Variants in EFCAB5 observed in about 807,000 individuals in gnomAD.
EFCAB5 encodes the protein EF-hand calcium binding domain 5.
EFCAB5 carries 131 observed loss-of-function variants against 167.9 expected under a neutral mutation model. The observed-to-expected ratio is 0.78, with a 90% CI of 0.68 to 0.90. EFCAB5 has a LOEUF of 0.90. Ranked by LOEUF, EFCAB5 falls within the 40% of genes least tolerant of loss-of-function variation. The pLI is 0.00. For missense variants in EFCAB5, 1,663 were observed against 1,745.2 expected, an observed-to-expected ratio of 0.95 and a Z score of 0.84; for synonymous variants, 574 against 602.8, an observed-to-expected ratio of 0.95 and a Z score of 0.70.
At chr17:30,082,870 T>A in intron 17 of EFCAB5, 21 bp from the exon 18 acceptor site, 1 of 1,592,760 alleles carries the variant, frequency 6.3e-7, no homozygotes, top group Non-Finnish European at 8.5e-7. Flanking sequence ...AATAGGCTAT[T>A]TGAATTTTCT....
In EFCAB5 at chr17:29,999,793, G is replaced by C; in HGVS notation, c.974-113G>C. ...ATGTAATTCACTTTATTGTAATTAT[G>C]GTTAGACATTAGCTAATAAATAATT... On this transcript the variant is annotated intron_variant, in intron 6 of 22. Coordinates refer to ENST00000394835, the MANE Select transcript of EFCAB5 (RefSeq NM_198529.4). 3 of 626,054 alleles carry C rather than the reference G, an allele frequency of 4.8e-6. No homozygotes were observed. The East Asian group carries it at 9.4e-5, about 20-fold the overall frequency. 38.8% of individuals were successfully genotyped at this position (626,054 alleles called of 1,614,324 possible).
At chr17:29,938,826 ACT>A (rs1485499014), upstream of EFCAB5, among the ~76,000 whole-genome samples, 1 of 152,168 alleles carries the variant, frequency 6.6e-6, no homozygotes, top group Non-Finnish European at 1.5e-5. Flanking sequence ...ATCTGCAGTT[ACT>A]TCCTCCACTG....
At chr17:30,092,967 T>G in intron 22 of EFCAB5, 31 bp downstream of exon 22, 1 of 1,511,186 alleles carries the variant, frequency 6.6e-7, no homozygotes, top group Non-Finnish European at 9.1e-7. Context: ...AGCCTAAATC[T>G]ATGCCAACAG....
chr17:30,072,280 G>T (rs1020767081), intron 14 of EFCAB5, among the ~76,000 whole-genome samples: 1 of 152,190 alleles, frequency 6.6e-6, no homozygotes, highest in Admixed American at 6.5e-5. Flanking sequence ...GGACAAGTAT[G>T]CATCAATTAA....
At chr17:29,988,797 G>C (rs1312742969) in intron 4 of EFCAB5, among the ~76,000 whole-genome samples, 1 of 152,236 alleles carries the variant, frequency 6.6e-6, no homozygotes, top group East Asian at 1.9e-4. Flanking sequence ...CAAAAAAGGA[G>C]TTAGAGTCCA....
chr17:30,094,062 G>T (rs968845469), intron 22 of EFCAB5, among the ~76,000 whole-genome samples: 1 of 152,072 alleles, frequency 6.6e-6, no homozygotes, highest in African/African-American at 2.4e-5. Context: ...ATACCTGTAG[G>T]TTCAGCCTGT....
intron 17 of EFCAB5, among the ~76,000 whole-genome samples, chr17:30,081,642 A>T (rs1296086323): frequency 1.3e-5 from 2 of 152,186 alleles, no homozygotes; most frequent in African/African-American, 4.8e-5. Context: ...AGGAACTTGA[A>T]CTTGCTATGC....
At chr17:30,107,773 A>C in intron 22 of EFCAB5, 61 bp from the exon 23 acceptor site, 1 of 1,330,870 alleles carries the variant, frequency 7.5e-7, no homozygotes, top group Admixed American at 3.6e-5. Context: ...TAGAACTTAT[A>C]ATTTTAATAG....
At chr17:30,019,421 A>C (rs918194023) in intron 7 of EFCAB5, among the ~76,000 whole-genome samples, 5 of 151,028 alleles carry the variant, frequency 3.3e-5, no homozygotes, top group Admixed American at 6.6e-5. Context: ...ATTCCCAAAT[A>C]TTGAACCATC....
At chr17:30,080,731 T>C (rs2070971664) in intron 16 of EFCAB5, 22 bp from the exon 17 acceptor site, 1 of 1,539,298 alleles carries the variant, frequency 6.5e-7, no homozygotes, top group Non-Finnish European at 8.9e-7. Context: ...CTTTCTTCCA[T>C]CCTCATACTC....
chr17:30,001,047 G>A (rs1420245332), intron 7 of EFCAB5, among the ~76,000 whole-genome samples: 6 of 152,080 alleles, frequency 3.9e-5, no homozygotes, highest in African/African-American at 4.8e-5. Context: ...TTAACCTCTC[G>A]TGGCTTGCAT....
chr17:30,085,669 G>A (rs12952179), intron 18 of EFCAB5, among the ~76,000 whole-genome samples: 66,440 of 149,784 alleles, frequency 0.44, 15,384 homozygotes, highest in Non-Finnish European at 0.51. Context: ...GCACTGAGCC[G>A]AGATCACGCC....
At position 30,094,507 on chromosome 17, in the gene EFCAB5, CAAAAAAAAAA is replaced by C. The variant is rs57885339; in HGVS notation, c.4321+1589_4321+1598del. On this transcript the variant is annotated intron_variant, in intron 22 of 22. Transcript: ENST00000394835. ...ACAACATGGCAAAATCTTGTCTCTC[CAAAAAAAAAA>C]AAAAAAAAAAAAAAAAATAACTGGG... Among the ~76,000 whole-genome samples the C allele has an allele frequency of 5.2e-3, 213 of 40,716 alleles. 1 individual carries two copies. The highest frequency in any genetic ancestry group is 0.014 in the Middle Eastern group (1 of 74). The allele number at this position is 40,716 out of a possible 152,430, so 26.7% of individuals were successfully genotyped here.
Position 30,056,045 on chromosome 17 carries a change from A to T in EFCAB5, c.2273-19A>T. On this transcript the variant is annotated intron_variant, in intron 11 of 22. Coordinates refer to ENST00000394835, the MANE Select transcript of EFCAB5 (RefSeq NM_198529.4). Reference sequence around the variant, plus strand: ...AAAGCGAAGTTTGATTGGCTATGTTATGGAATGTGTTTTTACAGGTGAATT... The same window carrying T: ...AAAGCGAAGTTTGATTGGCTATGTTTTGGAATGTGTTTTTACAGGTGAATT... 6.2e-7 allele frequency: 1 copy of T among 1,613,188 alleles called. No individual in the cohort carries two copies. Among genetic ancestry groups the T allele is most frequent in the South Asian group, 1.1e-5 (1 of 90,976 alleles).
intron 7 of EFCAB5, among the ~76,000 whole-genome samples, chr17:30,015,418 G>T (rs568570593): frequency 6.6e-6 from 1 of 152,112 alleles, no homozygotes; most frequent in Non-Finnish European, 1.5e-5. Flanking sequence ...CATTCTCCCC[G>T]TCACTTTCAG....
chr17:29,969,902 A>AAAAG (rs2067914015), intron 4 of EFCAB5, among the ~76,000 whole-genome samples: 1 of 152,178 alleles, frequency 6.6e-6, no homozygotes, highest in Admixed American at 6.5e-5. Flanking sequence ...AGCATGTGAT[A>AAAAG]CATGTTACAA....
chr17:30,065,330 C>A (rs1231412491), intron 14 of EFCAB5, among the ~76,000 whole-genome samples: 1 of 152,062 alleles, frequency 6.6e-6, no homozygotes. Context: ...GGATTAAATC[C>A]CCCATTTAAA....
intron 7 of EFCAB5, among the ~76,000 whole-genome samples, chr17:30,025,307 C>T: frequency 6.6e-6 from 1 of 151,948 alleles, no homozygotes; most frequent in African/African-American, 2.4e-5. Context: ...ACAATGAACT[C>T]AAACAAATTT....
chr17:30,036,646 T>A (rs1198989242), intron 8 of EFCAB5, among the ~76,000 whole-genome samples: 2 of 152,114 alleles, frequency 1.3e-5, no homozygotes. Flanking sequence ...CAGGCTGTTC[T>A]TGATCTCCCA....
Sources: gnomAD v4.1 joint callset for allele counts (sites outside exome capture counted in the v4.1 genomes callset) on GRCh38, gnomAD v4.1.1 for gene constraint, MANE v1.5 for transcripts, NCBI Gene and HGNC (gene_info 2026-07-23, HGNC 2026-07-21) for gene names.